STK31: variants seen among roughly 807,000 people sequenced by gnomAD.
The protein encoded by STK31 is serine/threonine-protein kinase 31.
A neutral mutation model predicts 129.7 loss-of-function variants in STK31; 89 were observed. That is an observed-to-expected ratio of 0.69 (90% CI 0.58 to 0.82). The LOEUF is 0.82. Ranked by LOEUF, STK31 falls within the 40% of genes least tolerant of loss-of-function variation. STK31 has a pLI of 0.00. For synonymous variants in STK31, 448 were observed against 395.3 expected (o/e 1.13, Z -1.58); for missense variants, 1,187 against 1,176.4 (o/e 1.01, Z -0.13).
Position 23,769,649 on chromosome 7 carries a change from C to G in STK31, c.1606C>G (p.Leu536Val). 6.2e-7 allele frequency: 1 copy of G among 1,603,494 alleles called. No individual in the cohort carries two copies. Among genetic ancestry groups the G allele is most frequent in the Non-Finnish European group, 8.5e-7 (1 of 1,174,506 alleles). The stretch of plus-strand genomic sequence containing the variant: ...TATTTTTGCAAATGAGGTTTTTGAC[C>G]TATCTGTGGAAGGATCACTGATTTC... ...WFQRTLKVFDLSVEGSLISED... is the reference protein window; with the variant it reads ...WFQRTLKVFDVSVEGSLISED... Residue 536 changes from leucine to valine, a missense_variant, in exon 13 of 24, where the codon CTA (leucine) becomes GTA (valine). Coordinates refer to ENST00000355870, the MANE Select transcript of STK31 (RefSeq NM_031414.5).
intron 23 of STK31, among the ~76,000 whole-genome samples, chr7:23,829,769 T>C (rs947888615): frequency 6.6e-6 from 1 of 152,208 alleles, no homozygotes. Context: ...TGGACTTTTC[T>C]ATGTTGGGAG....
chr7:23,728,072 C>CTTTTTTTTTTTTT (rs56355518), intron 5 of STK31, among the ~76,000 whole-genome samples: 2 of 68,290 alleles, frequency 2.9e-5, no homozygotes, highest in Non-Finnish European at 5.4e-5. Flanking sequence ...TTGTGTTAAG[C>CTTTTTTTTTTTTT]TTTTTTTTTT....
At chr7:23,734,821 C>T (rs192722263) in intron 6 of STK31, among the ~76,000 whole-genome samples, 218 of 152,136 alleles carry the variant, frequency 1.4e-3, no homozygotes, top group African/African-American at 4.9e-3. Flanking sequence ...AAAAATTAGG[C>T]AGGTGTGGTG....
intron 20 of STK31, 126 bp downstream of exon 20, chr7:23,787,050 C>T: frequency 1.2e-6 from 1 of 833,758 alleles, no homozygotes; most frequent in Non-Finnish European, 1.9e-6. Context: ...CTATTTGTCA[C>T]CTCAAGCCTG....
At chr7:23,750,850 C>G (rs1788668159) in intron 8 of STK31, among the ~76,000 whole-genome samples, 1 of 152,172 alleles carries the variant, frequency 6.6e-6, no homozygotes, top group African/African-American at 2.4e-5. Context: ...ATATCGATCA[C>G]CTCAAGGATT....
intron 10 of STK31, among the ~76,000 whole-genome samples, chr7:23,757,690 A>T (rs917177197): frequency 2.0e-5 from 3 of 151,744 alleles, no homozygotes; most frequent in Non-Finnish European, 4.4e-5. Flanking sequence ...CAGGAGACAG[A>T]TGCCTTCCTC....
chr7:23,819,299 C>T (rs924840168), intron 23 of STK31, among the ~76,000 whole-genome samples: 64 of 152,090 alleles, frequency 4.2e-4, no homozygotes, highest in Non-Finnish European at 7.5e-4. Flanking sequence ...TACTGAATGT[C>T]TGCTATATTC....
At chr7:23,710,805 C>T in intron 1 of STK31, 1 of 1,010,672 alleles carries the variant, frequency 9.9e-7, no homozygotes, top group Non-Finnish European at 1.2e-6. Flanking sequence ...AAAAACTACT[C>T]TAGAAGTAGC....
At position 23,762,952 on chromosome 7, in the gene STK31, G is replaced by C. The variant is rs376612079; in HGVS notation, c.1416+29G>C. ...GGAATTAAAAATATATTAAATATAC[G>C]TTAAATTGTAAGTTTATTTAAGAAG... On this transcript the variant is annotated intron_variant, in intron 11 of 23. Coordinates refer to ENST00000355870, the MANE Select transcript of STK31 (RefSeq NM_031414.5). 8.4e-5 allele frequency: 125 copies of C among 1,494,776 alleles called. No homozygotes were observed. In the African/African-American group the frequency reaches 1.7e-3, roughly 21 times the overall value. The allele number at this position is 1,494,776 out of a possible 1,614,324, so 92.6% of individuals were successfully genotyped here.
rs189864668 is a variant in STK31 at position 23,825,435 on chromosome 7, A to C, written c.2830-6701A>C. ...TGGTAGTTTGTATTTCTGTGGGATCACTGGTGATATCCCCTTTGTCATTTT... is the reference window on the plus strand; with the variant it reads ...TGGTAGTTTGTATTTCTGTGGGATCCCTGGTGATATCCCCTTTGTCATTTT... On this transcript the variant is annotated intron_variant, in intron 23 of 23. Transcript: ENST00000355870. Among the ~76,000 whole-genome samples, 804 of 152,226 alleles carry C rather than the reference A, an allele frequency of 5.3e-3. 4 individuals carry two copies. Among genetic ancestry groups the C allele is most frequent in the Non-Finnish European group, 9.5e-3 (648 of 67,998 alleles).
At chr7:23,827,000 G>A (rs1426201859) in intron 23 of STK31, among the ~76,000 whole-genome samples, 2 of 152,080 alleles carry the variant, frequency 1.3e-5, no homozygotes, top group African/African-American at 2.4e-5. Flanking sequence ...TGGGTTACCC[G>A]ACCTTTCTAA....
chr7:23,810,749 A>G (rs1477865721), intron 22 of STK31, among the ~76,000 whole-genome samples: 3 of 131,278 alleles, frequency 2.3e-5, no homozygotes, highest in Non-Finnish European at 4.7e-5. Context: ...TAAAATAGAT[A>G]TATATAATAT....
chr7:23,713,019 G>C (rs1386112793), intron 3 of STK31, among the ~76,000 whole-genome samples: 1 of 152,154 alleles, frequency 6.6e-6, no homozygotes, highest in Non-Finnish European at 1.5e-5. Context: ...GAAAGTTCTA[G>C]AAGAATATGA....
At chr7:23,823,811 T>C (rs961309194) in intron 23 of STK31, among the ~76,000 whole-genome samples, 10 of 151,796 alleles carry the variant, frequency 6.6e-5, no homozygotes, top group East Asian at 5.8e-4. Flanking sequence ...CAGCTTTCTA[T>C]ATACGGCTAG....
chr7:23,719,607 T>C (rs1786562678), intron 4 of STK31, among the ~76,000 whole-genome samples: 1 of 152,086 alleles, frequency 6.6e-6, no homozygotes, highest in African/African-American at 2.4e-5. Context: ...TAAATAGAAA[T>C]GAGATGGGGC....
At chr7:23,714,522 T>G (rs989209747) in intron 3 of STK31, among the ~76,000 whole-genome samples, 5 of 152,210 alleles carry the variant, frequency 3.3e-5, no homozygotes, top group African/African-American at 1.2e-4. Context: ...ATAAGTACAT[T>G]TTATTTAACT....
At chr7:23,789,006 G>A (rs1054415587) in intron 21 of STK31, among the ~76,000 whole-genome samples, 1 of 152,092 alleles carries the variant, frequency 6.6e-6, no homozygotes, top group Non-Finnish European at 1.5e-5. Context: ...TACACTTTCT[G>A]TCTCTATGGA....
At position 23,743,581 on chromosome 7, in the gene STK31, T is replaced by C. The variant is rs181396350; in HGVS notation, c.1017+6503T>C. 2.0e-3 allele frequency among the ~76,000 whole-genome samples: 300 copies of C among 152,344 alleles called. 1 individual carries two copies. The highest frequency in any genetic ancestry group is 6.9e-3 in the African/African-American group (285 of 41,590). ...TTAGAAATATCTTTGTCTTTGACTT[T>C]TGACAGGTTGACTGTAATATGCTGT... On this transcript the variant is annotated intron_variant, in intron 8 of 23. Coordinates refer to ENST00000355870, the MANE Select transcript of STK31 (RefSeq NM_031414.5).
At chr7:23,782,046 C>T (rs1287167941) in intron 16 of STK31, among the ~76,000 whole-genome samples, 1 of 152,136 alleles carries the variant, frequency 6.6e-6, no homozygotes, top group African/African-American at 2.4e-5. Context: ...TTTTAAGTCT[C>T]TATTTTTACC....
Sources: allele counts gnomAD v4.1 joint callset (sites outside exome capture counted in the v4.1 genomes callset), GRCh38; gene constraint gnomAD v4.1.1; transcripts MANE v1.5; gene names NCBI Gene and HGNC (gene_info 2026-07-23, HGNC 2026-07-21).